The following VWA3A variants were observed in gnomAD, a reference collection of about 807,000 sequenced individuals.
VWA3A encodes the protein von Willebrand factor A domain-containing protein 3A.
In VWA3A, 134 loss-of-function variants were observed where a neutral mutation model predicts 160.4. The observed-to-expected ratio is 0.84, with a 90% CI of 0.73 to 0.96. VWA3A has a LOEUF of 0.96. VWA3A is among the 40% of genes least tolerant of loss of function. The pLI is 0.00. For missense variants in VWA3A, 1,310 were observed against 1,447.9 expected, an observed-to-expected ratio of 0.90 and a Z score of 1.55; for synonymous variants, 476 against 543.4, an observed-to-expected ratio of 0.88 and a Z score of 1.72.
rs567252728 is a variant in VWA3A at position 22,149,682 on chromosome 16, G to C, written c.2985-105G>C. 2.0e-5 allele frequency: 27 copies of C among 1,365,830 alleles called. No homozygotes were observed. The South Asian group carries it at 4.1e-4, about 21-fold the overall frequency. The allele number at this position is 1,365,830 out of a possible 1,614,324, so 84.6% of individuals were successfully genotyped here. On this transcript the variant is annotated intron_variant, in intron 28 of 33. Transcript: ENST00000389398. ...GGGTCTTCAGTGACGAGCAAGAATA[G>C]TCCTCATGAGGGTAACTTATCTGAA...
chr16:22,093,209 A>T (rs966427483), intron 1 of VWA3A, among the ~76,000 whole-genome samples: 23 of 152,114 alleles, frequency 1.5e-4, no homozygotes, highest in Non-Finnish European at 2.8e-4. Flanking sequence ...TCCCGGCCCA[A>T]ATGGATCTAC....
At chr16:22,102,175 A>C (rs934973555) in intron 5 of VWA3A, among the ~76,000 whole-genome samples, 1 of 152,066 alleles carries the variant, frequency 6.6e-6, no homozygotes, top group Non-Finnish European at 1.5e-5. Flanking sequence ...AAATGATGAA[A>C]CCCCAACTCT....
chr16:22,132,211 C>G (rs564485692), intron 19 of VWA3A, among the ~76,000 whole-genome samples: 77 of 151,706 alleles, frequency 5.1e-4, no homozygotes, highest in Non-Finnish European at 1.1e-3. Flanking sequence ...TGGAGAAACT[C>G]CATCTCTACT....
intron 21 of VWA3A, among the ~76,000 whole-genome samples, chr16:22,137,925 T>C (rs563024694): frequency 6.6e-6 from 1 of 152,288 alleles, no homozygotes; most frequent in African/African-American, 2.4e-5. Context: ...TCTGGTGCTA[T>C]GTGACTTTAG....
At chr16:22,132,404 C>T (rs2141961450) in intron 19 of VWA3A, among the ~76,000 whole-genome samples, 1 of 151,732 alleles carries the variant, frequency 6.6e-6, no homozygotes, top group East Asian at 1.9e-4. Flanking sequence ...AAAAATTAAC[C>T]AGGTGTGGTG....
chr16:22,131,638 G>A lies in VWA3A; in HGVS notation c.1781G>A (p.Arg594Gln), dbSNP rs751031440. 8.7e-6 allele frequency: 14 copies of A among 1,613,860 alleles called. No individual in the cohort carries two copies. Among genetic ancestry groups the A allele is most frequent in the East Asian group, 2.2e-5 (1 of 44,874 alleles). The part of the protein sequence containing the change: ...RGSRNVLSAL[R>Q]KAVEVDFKDK... ...AGCAGGAACGTTCTCAGCGCCCTGC[G>A]GAAGGCTGTGGAAGTAGACTTCAAG... Residue 594 changes from arginine to glutamine, a missense_variant, in exon 19 of 34, where the codon CGG becomes CAG. By Grantham distance (43) the Arg-to-Gln change is conservative. Transcript: ENST00000389398.
intron 20 of VWA3A, among the ~76,000 whole-genome samples, chr16:22,133,917 G>A (rs2045994207): frequency 6.6e-6 from 1 of 151,970 alleles, no homozygotes; most frequent in Non-Finnish European, 1.5e-5. Flanking sequence ...TTCAAAGGGT[G>A]GTGTGTTCAC....
chr16:22,135,597 G>A (rs2046025616), intron 21 of VWA3A, among the ~76,000 whole-genome samples: 1 of 152,026 alleles, frequency 6.6e-6, no homozygotes, highest in South Asian at 2.1e-4. Flanking sequence ...AGAAATGAGT[G>A]TCTCCTAGAA....
intron 24 of VWA3A, 121 bp downstream of exon 24, chr16:22,141,813 C>T (rs1403992395): frequency 1.3e-5 from 10 of 754,164 alleles, no homozygotes; most frequent in Non-Finnish European, 2.1e-5. Flanking sequence ...ACTGGTGCCT[C>T]TGGAGCAAGC....
chr16:22,111,045 C>G (rs2045546023), intron 8 of VWA3A, 51 bp downstream of exon 8: 1 of 1,476,676 alleles, frequency 6.8e-7, no homozygotes, highest in African/African-American at 1.4e-5. Flanking sequence ...ATTTTCCTCC[C>G]TAACCAGCAG....
chr16:22,092,931 A>G (rs1901384852), intron 1 of VWA3A, among the ~76,000 whole-genome samples: 1 of 152,026 alleles, frequency 6.6e-6, no homozygotes, highest in Non-Finnish European at 1.5e-5. Flanking sequence ...GGGACAGCAA[A>G]TGGGATTCAG....
intron 19 of VWA3A, 80 bp from the exon 20 acceptor site, chr16:22,132,820 T>C (rs952577509): frequency 1.7e-5 from 24 of 1,410,858 alleles, no homozygotes; most frequent in African/African-American, 2.8e-5. Flanking sequence ...TGGAGAAACA[T>C]GGCCAGGCTG....
chr16:22,141,688 C>T lies in VWA3A; in HGVS notation c.2490C>T (p.Asp830=), dbSNP rs749768535. 16 of 1,607,066 alleles carry T rather than the reference C, an allele frequency of 1.0e-5. No individual in the cohort carries two copies. Among genetic ancestry groups the T allele is most frequent in the South Asian group, 6.7e-5 (6 of 89,560 alleles). The change falls in exon 24 of 34, where the codon GAC becomes GAT. Residue 830 remains aspartate, a synonymous_variant. Coordinates refer to ENST00000389398, the MANE Select transcript of VWA3A (RefSeq NM_173615.5). The part of the protein sequence containing the change: ...LLLFYTEKGN[D]VGSVYKKYPQ... ...TGTTCTACACAGAGAAAGGGAATGA[C>T]GTGGGTAAGTTAGAGGCTATACAGG...
chr16:22,093,565 G>A (rs1335840602), intron 1 of VWA3A, among the ~76,000 whole-genome samples: 5 of 152,164 alleles, frequency 3.3e-5, no homozygotes, highest in African/African-American at 7.2e-5. Flanking sequence ...GATTGTTTTT[G>A]TGTCATATGC....
chr16:22,153,828 C>T (rs2142037110), intron 31 of VWA3A, among the ~76,000 whole-genome samples: 1 of 151,146 alleles, frequency 6.6e-6, no homozygotes, highest in East Asian at 1.9e-4. Flanking sequence ...CAGCCTCCAC[C>T]TCCTGGGCTC....
intron 27 of VWA3A, among the ~76,000 whole-genome samples, chr16:22,146,910 T>C (rs2068616797): frequency 6.6e-6 from 1 of 152,180 alleles, no homozygotes; most frequent in African/African-American, 2.4e-5. Context: ...CACCTTGCCT[T>C]CCTGCAAGTG....
At chr16:22,110,536 A>G (rs1018830786) in intron 7 of VWA3A, among the ~76,000 whole-genome samples, 1 of 152,202 alleles carries the variant, frequency 6.6e-6, no homozygotes, top group Admixed American at 6.5e-5. Context: ...GGTGGCATAC[A>G]GGTGGAATTT....
chr16:22,096,293 G>A (rs911495083), intron 1 of VWA3A, among the ~76,000 whole-genome samples: 4 of 152,150 alleles, frequency 2.6e-5, no homozygotes, highest in African/African-American at 9.7e-5. Context: ...AGTATTTACT[G>A]AATGAATTAA....
chr16:22,146,403 C>A, intron 27 of VWA3A, 59 bp downstream of exon 27: 1 of 1,438,684 alleles, frequency 7.0e-7, no homozygotes, highest in South Asian at 1.2e-5. Flanking sequence ...GAAGGCTAGC[C>A]CCAGGGACCC....
Sources: allele counts gnomAD v4.1 joint callset (sites outside exome capture counted in the v4.1 genomes callset), GRCh38; gene constraint gnomAD v4.1.1; transcripts MANE v1.5; gene names NCBI Gene and HGNC (gene_info 2026-07-23, HGNC 2026-07-21).